IMPG2: variants seen among roughly 807,000 people sequenced by gnomAD.
IMPG2 encodes the protein interphotoreceptor matrix proteoglycan 2.
In IMPG2, 91 loss-of-function variants were observed where a neutral mutation model predicts 129.2. The observed-to-expected ratio is 0.70, with a 90% CI of 0.59 to 0.84. The LOEUF (loss-of-function observed/expected upper bound fraction) is 0.84. IMPG2 is among the 40% of genes least tolerant of loss of function. IMPG2 has a pLI of 0.00. For synonymous variants in IMPG2, 510 were observed against 517.7 expected (o/e 0.99, Z 0.20); for missense variants, 1,430 against 1,461.7 (o/e 0.98, Z 0.35).
At chr3:101,261,737 G>C (rs1706673255) in intron 9 of IMPG2, among the ~76,000 whole-genome samples, 1 of 152,100 alleles carries the variant, frequency 6.6e-6, no homozygotes, top group Non-Finnish European at 1.5e-5. Context: ...AGAACAGACA[G>C]AGTTCTGGCA....
intron 18 of IMPG2, among the ~76,000 whole-genome samples, chr3:101,227,376 T>A (rs1205534735): frequency 2.0e-5 from 3 of 152,228 alleles, no homozygotes; most frequent in Non-Finnish European, 4.4e-5. Flanking sequence ...TCAAATCTTC[T>A]TTGTTTCATA....
Position 101,226,802 on chromosome 3 carries a change from T to C in IMPG2, c.*167A>G. 1 of 658,094 alleles carries C rather than the reference T, an allele frequency of 1.5e-6. No homozygotes were observed. The highest frequency in any genetic ancestry group is 2.7e-6 in the Non-Finnish European group (1 of 375,198). 40.8% of individuals were successfully genotyped at this position (658,094 alleles called of 1,614,324 possible). A position where few individuals can be genotyped will look rare whatever the true frequency, so the allele number is the denominator to read the frequency against. On this transcript the variant is annotated 3_prime_UTR_variant, in exon 19 of 19. Transcript: ENST00000193391. Reference sequence around the variant, plus strand: ...AAAAATGGTAACATCTCTTACTACATTCTGAAAACTTAAGCTGAAAAAAAA... The same window carrying C: ...AAAAATGGTAACATCTCTTACTACACTCTGAAAACTTAAGCTGAAAAAAAA...
intron 10 of IMPG2, among the ~76,000 whole-genome samples, chr3:101,256,549 G>A (rs555914292): frequency 2.6e-4 from 39 of 152,014 alleles, no homozygotes; most frequent in African/African-American, 9.4e-4. Flanking sequence ...AATCCAACAA[G>A]CCTCTCTGGC....
intron 2 of IMPG2, among the ~76,000 whole-genome samples, chr3:101,306,425 C>G (rs369945105): frequency 6.6e-6 from 1 of 152,138 alleles, no homozygotes; most frequent in Non-Finnish European, 1.5e-5. Context: ...TACCTGTATC[C>G]TTATTATTGT....
chr3:101,256,145 A>G (rs201420238), intron 10 of IMPG2, among the ~76,000 whole-genome samples: 89 of 77,558 alleles, frequency 1.1e-3, no homozygotes, highest in African/African-American at 3.5e-3. Context: ...AGAAAGAAAG[A>G]AAAGAAAGAA....
At chr3:101,233,336 T>C (rs113542046) in intron 14 of IMPG2, among the ~76,000 whole-genome samples, 2,831 of 152,228 alleles carry the variant, frequency 0.019, 84 homozygotes, top group African/African-American at 0.065. Flanking sequence ...CTAAATTAAA[T>C]GCAGTTTTCA....
chr3:101,257,405 T>A, intron 10 of IMPG2, 124 bp downstream of exon 10: 4 of 1,119,738 alleles, frequency 3.6e-6, no homozygotes, highest in Non-Finnish European at 5.2e-6. Context: ...TCATATCAGG[T>A]TGGCTCCTGT....
At chr3:101,246,853 C>T (rs1263743633) in intron 11 of IMPG2, among the ~76,000 whole-genome samples, 2 of 152,258 alleles carry the variant, frequency 1.3e-5, no homozygotes, top group Non-Finnish European at 2.9e-5. Flanking sequence ...TCTATAATCC[C>T]AGCACTTTGG....
chr3:101,314,044 T>C (rs1244699814), intron 2 of IMPG2, among the ~76,000 whole-genome samples: 1 of 152,172 alleles, frequency 6.6e-6, no homozygotes, highest in African/African-American at 2.4e-5. Flanking sequence ...GCAAGATCCA[T>C]ACACTAAACA....
At chr3:101,255,748 T>C (rs1021505693) in intron 10 of IMPG2, among the ~76,000 whole-genome samples, 1 of 152,116 alleles carries the variant, frequency 6.6e-6, no homozygotes, top group Non-Finnish European at 1.5e-5. Flanking sequence ...AAGCTTCTTA[T>C]CTGTTCACTA....
intron 15 of IMPG2, 79 bp downstream of exon 15, chr3:101,232,701 TA>T: frequency 1.7e-6 from 2 of 1,209,518 alleles, no homozygotes; most frequent in Non-Finnish European, 2.4e-6. Context: ...ATAAGTATCC[TA>T]AAATTATAGG....
At position 101,284,855 on chromosome 3, in the gene IMPG2, CT is replaced by C. The variant is rs557951495; in HGVS notation, c.533+6623del. On this transcript the variant is annotated intron_variant, in intron 4 of 18. Coordinates refer to ENST00000193391, the MANE Select transcript of IMPG2 (RefSeq NM_016247.4). ...TGTCTGAGATATTTCATAATTTAAC[CT>C]TTTTTTTAAAGAAACAAAACTGTAA... Among the ~76,000 whole-genome samples the C allele has an allele frequency of 7.9e-5, 12 of 151,876 alleles. 1 individual carries two copies. Among genetic ancestry groups the C allele is most frequent in the Admixed American group, 3.9e-4 (6 of 15,228 alleles).
chr3:101,256,688 A>C (rs1706614111), intron 10 of IMPG2, among the ~76,000 whole-genome samples: 1 of 152,132 alleles, frequency 6.6e-6, no homozygotes. Context: ...GTAAAAATGC[A>C]TCATTAGCAT....
intron 3 of IMPG2, among the ~76,000 whole-genome samples, chr3:101,294,956 G>C (rs573898262): frequency 7.1e-4 from 108 of 151,990 alleles, no homozygotes; most frequent in African/African-American, 2.3e-3. Context: ...GTAAATTTAA[G>C]TTCCTTGTAG....
chr3:101,268,139 G>T (rs1275541000), intron 8 of IMPG2, among the ~76,000 whole-genome samples: 1 of 152,122 alleles, frequency 6.6e-6, no homozygotes, highest in Non-Finnish European at 1.5e-5. Context: ...AGTTGCTGAT[G>T]GCATTTCAAA....
intron 10 of IMPG2, 37 bp from the exon 11 acceptor site, chr3:101,253,818 G>A (rs778149714): frequency 7.8e-6 from 11 of 1,409,014 alleles, no homozygotes; most frequent in East Asian, 2.3e-5. Context: ...ATTTTTAGAT[G>A]AGGCCCTATT....
chr3:101,267,370 C>G, intron 9 of IMPG2, 141 bp downstream of exon 9: 1 of 753,680 alleles, frequency 1.3e-6, no homozygotes, highest in Non-Finnish European at 2.3e-6. Context: ...AAAAGTTTGA[C>G]AAACCCTGAT....
rs115726256 is a variant in IMPG2 at position 101,300,408 on chromosome 3, C to G, written c.501+3738G>C. Among the ~76,000 whole-genome samples the G allele has an allele frequency of 2.0e-3, 302 of 152,362 alleles. 2 individuals carry two copies. The highest frequency in any genetic ancestry group is 6.3e-3 in the African/African-American group (264 of 41,588). On this transcript the variant is annotated intron_variant, in intron 3 of 18. Coordinates refer to ENST00000193391, the MANE Select transcript of IMPG2 (RefSeq NM_016247.4). ...GGGCTTAGACAGCAGGCAGCCACAG[C>G]GGTGGTGCTGGTTGCCCCTCCCGCG... is the stretch of plus-strand genomic sequence containing the variant.
At chr3:101,291,444 G>T in intron 4 of IMPG2, 35 bp downstream of exon 4, 1 of 1,584,800 alleles carries the variant, frequency 6.3e-7, no homozygotes, top group Non-Finnish European at 8.7e-7. Flanking sequence ...CATCTGTGTT[G>T]CCAAACATGA....
Sources: allele counts gnomAD v4.1 joint callset (sites outside exome capture counted in the v4.1 genomes callset), GRCh38; gene constraint gnomAD v4.1.1; transcripts MANE v1.5; gene names NCBI Gene and HGNC (gene_info 2026-07-23, HGNC 2026-07-21).